AMZ1: variants seen among roughly 807,000 people sequenced by gnomAD.
AMZ1 encodes archaemetzincin-1.
In AMZ1, 39 loss-of-function variants were observed where a neutral mutation model predicts 29.9. The observed-to-expected ratio is 1.30, with a 90% confidence interval of 1.01 to 1.70. The LOEUF (loss-of-function observed/expected upper bound fraction) is 1.70. Among genes scored for constraint, AMZ1 ranks in the 40% most tolerant of loss-of-function variants. AMZ1 has a pLI of 0.00. For missense variants in AMZ1, 1,041 were observed against 680.6 expected, an observed-to-expected ratio of 1.53 and a Z score of -5.89; for synonymous variants, 458 against 304.0, an observed-to-expected ratio of 1.51 and a Z score of -5.27.
Position 2,731,632 on chromosome 7 carries a change from C to T in AMZ1, n.550+21816C>T, listed in dbSNP as rs777850035. 1.2e-6 allele frequency: 2 copies of T among 1,613,750 alleles called. No homozygotes were observed. Among genetic ancestry groups the T allele is most frequent in the South Asian group, 1.1e-5 (1 of 91,074 alleles). On this transcript the variant is annotated intron_variant and non_coding_transcript_variant, in intron 4 of 4. Coordinates refer to the AMZ1 transcript ENST00000489665. This position sits in a 1 kb window ranked among gnomAD's most constrained non-coding sequence, Gnocchi z 6.0. ...CTGGAACCACTTCTGGCGCTGGGAC[C>T]GCTGGCCGCCCACATCCACCATCTT... is the stretch of plus-strand genomic sequence containing the variant.
rs117355736 is a variant in AMZ1, at chr7:2,680,692, C to T, written c.-219+1021C>T. 1.6e-4 allele frequency among the ~76,000 whole-genome samples: 24 copies of T among 152,368 alleles called. No individual in the cohort carries two copies. In the East Asian group the frequency reaches 3.5e-3, roughly 22 times the overall value. On this transcript the variant is annotated intron_variant, in intron 1 of 6. Transcript: ENST00000312371. ...GGTCTCTTGGACGAAGCCGCTGGGC[C>T]GTGGGTTCAGCCTCCTCGTGCTGGC...
chr7:2,764,852 T>A (rs941921664), exon 1 of AMZ1: 1 of 152,210 alleles, frequency 6.6e-6, no homozygotes, highest in African/African-American at 2.4e-5. Context: ...CGCCGCCTCG[T>A]CCTCTTAGTG....
chr7:2,702,674 C>T (rs914690812), intron 2 of AMZ1, 48 bp from the exon 3 acceptor site: 1 of 1,484,442 alleles, frequency 6.7e-7, no homozygotes, highest in African/African-American at 1.4e-5. Context: ...GAGAGGGTCC[C>T]AGGCGGGCAG....
At chr7:2,721,761 G>GC (rs1026375849), downstream of AMZ1, among the ~76,000 whole-genome samples, 28 of 151,578 alleles carry the variant, frequency 1.8e-4, no homozygotes, top group East Asian at 1.9e-3. Context: ...ACACTCAGGG[G>GC]CCCCCCACTT....
rs932769544 is a variant in AMZ1 at position 2,700,252 on chromosome 7, G to A, written c.-200G>A. ...TCCACAGGGTGCTGTGGGCCCAGAA[G>A]CGCCCATGCCTGAGAGCGTCCAGGA... On this transcript the variant is annotated 5_prime_UTR_variant, in exon 2 of 7. Transcript: ENST00000683327. 2.2e-5 allele frequency: 14 copies of A among 623,256 alleles called. No homozygotes were observed. Among genetic ancestry groups the A allele is most frequent in the Non-Finnish European group, 3.6e-5 (13 of 361,358 alleles). The allele number at this position is 623,256 out of a possible 1,614,324, so 38.6% of individuals were successfully genotyped here. A position where few individuals can be genotyped will look rare whatever the true frequency, so the allele number is the denominator to read the frequency against.
At chr7:2,708,852 G>A (rs1020858721) in intron 4 of AMZ1, 136 bp downstream of exon 4, 1 of 1,422,776 alleles carries the variant, frequency 7.0e-7, no homozygotes, top group Non-Finnish European at 9.6e-7. Flanking sequence ...CATGGGAATA[G>A]ATGGCCCCTT....
At chr7:2,707,935 C>CATCTCA (rs1562370437) in intron 3 of AMZ1, among the ~76,000 whole-genome samples, 12 of 129,856 alleles carry the variant, frequency 9.2e-5, no homozygotes, top group African/African-American at 3.6e-4. Flanking sequence ...GCAATTCTCC[C>CATCTCA]GTCTCAGACT....
At chr7:2,724,538 A>G (rs1583194018), downstream of AMZ1, among the ~76,000 whole-genome samples, 1 of 150,016 alleles carries the variant, frequency 6.7e-6, no homozygotes, top group South Asian at 2.1e-4. Context: ...GCCTCTCTGC[A>G]CCCTCCCACC....
intron 4 of AMZ1, among the ~76,000 whole-genome samples, chr7:2,750,657 C>A (rs991053798): frequency 6.6e-6 from 1 of 152,126 alleles, no homozygotes; most frequent in South Asian, 2.1e-4. Context: ...CGGTTGACTG[C>A]GGGTAACTGA....
chr7:2,704,243 A>C (rs798462), intron 3 of AMZ1, among the ~76,000 whole-genome samples: 79,974 of 152,056 alleles, frequency 0.53, 23,691 homozygotes, highest in African/African-American at 0.81. Flanking sequence ...TGGCTCACAC[A>C]TGTAATCCCA....
chr7:2,710,135 T>G (rs1222790450), intron 6 of AMZ1, among the ~76,000 whole-genome samples: 1 of 152,192 alleles, frequency 6.6e-6, no homozygotes, highest in African/African-American at 2.4e-5. Flanking sequence ...GGCACGGTCT[T>G]CCCAGGGTAA....
At chr7:2,685,582 C>T (rs1264926706), upstream of AMZ1, among the ~76,000 whole-genome samples, 4 of 145,348 alleles carry the variant, frequency 2.8e-5, no homozygotes, top group African/African-American at 5.2e-5. Flanking sequence ...AGGCCGGGTG[C>T]GGTGGCTCAT....
rs114320882 is a variant in AMZ1 at position 2,713,248 on chromosome 7, A to G, written c.*370A>G. 8.5e-3 allele frequency: 1,401 copies of G among 165,118 alleles called. 23 individuals carry two copies. The highest frequency in any genetic ancestry group is 0.031 in the African/African-American group (1,302 of 42,054). The allele number at this position is 165,118 out of a possible 1,614,324, so 10.2% of individuals were successfully genotyped here. On this transcript the variant is annotated 3_prime_UTR_variant, in exon 7 of 7. Coordinates refer to ENST00000683327, the MANE Select transcript of AMZ1 (RefSeq NM_001384743.1). The stretch of plus-strand genomic sequence containing the variant: ...CACAGAAAGACTGTCTCCAGAAAAA[A>G]AAAAGTTCTTTGGAGAAGCCACAGA...
chr7:2,757,080 G>A (rs1347692211), intron 4 of AMZ1, among the ~76,000 whole-genome samples: 3 of 151,294 alleles, frequency 2.0e-5, no homozygotes, highest in Non-Finnish European at 2.9e-5. Context: ...GTCCCAAGGC[G>A]GGGGAAAAAA....
At chr7:2,719,718 T>G (rs1789338930), downstream of AMZ1, among the ~76,000 whole-genome samples, 1 of 151,800 alleles carries the variant, frequency 6.6e-6, no homozygotes, top group South Asian at 2.1e-4. Context: ...TTCGCTCTTG[T>G]TGCCCAGCCT....
intron 4 of AMZ1, among the ~76,000 whole-genome samples, chr7:2,753,776 G>T (rs973735819): frequency 6.6e-6 from 1 of 151,970 alleles, no homozygotes; most frequent in African/African-American, 2.4e-5. Flanking sequence ...TTTTAATGCT[G>T]AATTTACTCC....
chr7:2,742,566 T>G (rs1387316829), intron 4 of AMZ1, among the ~76,000 whole-genome samples: 3 of 152,186 alleles, frequency 2.0e-5, no homozygotes, highest in Non-Finnish European at 4.4e-5. Flanking sequence ...CTTACTTTGG[T>G]GCTCAAAGTG....
chr7:2,715,438 A>G lies in AMZ1; in HGVS notation c.*2560A>G, dbSNP rs1211396460. ...GATTAAACAGAGGTGATAAAAATAGAATGCCTGGCTCATGCTGAGGGTGGG... is the reference window on the plus strand; with the variant it reads ...GATTAAACAGAGGTGATAAAAATAGGATGCCTGGCTCATGCTGAGGGTGGG... On this transcript the variant is annotated 3_prime_UTR_variant, in exon 7 of 7. Transcript: ENST00000683327. The G allele has an allele frequency of 6.6e-6, 1 of 152,326 alleles. No homozygotes were observed. Among genetic ancestry groups the G allele is most frequent in the Non-Finnish European group, 1.5e-5 (1 of 68,042 alleles). The allele number at this position is 152,326 out of a possible 1,614,324, so 9.4% of individuals were successfully genotyped here.
At chr7:2,696,360 C>T (rs1161197251) in intron 1 of AMZ1, among the ~76,000 whole-genome samples, 2 of 150,658 alleles carry the variant, frequency 1.3e-5, no homozygotes, top group South Asian at 2.1e-4. Flanking sequence ...AGGTTCACGC[C>T]ATTCTCCTGC....
Sources: gnomAD v4.1 joint callset for allele counts (sites outside exome capture counted in the v4.1 genomes callset) on GRCh38, gnomAD v4.1.1 for gene constraint, Gnocchi (gnomAD v3.1) non-coding constraint, MANE v1.5 for transcripts, NCBI Gene and HGNC (gene_info 2026-07-23, HGNC 2026-07-21) for gene names.